The following VAV1 variants were observed in gnomAD, a reference collection of about 807,000 sequenced individuals.
The protein encoded by VAV1 is vav guanine nucleotide exchange factor 1.
A neutral mutation model predicts 128.1 loss-of-function variants in VAV1; 33 were observed. That is an observed-to-expected ratio of 0.26 (90% CI 0.20 to 0.34). The LOEUF (loss-of-function observed/expected upper bound fraction) is 0.34. Ranked by LOEUF, VAV1 falls within the 10% of genes least tolerant of loss-of-function variation. The pLI, the probability that VAV1 is intolerant of heterozygous loss-of-function variation, is 1.00. For synonymous variants in VAV1, 394 were observed against 409.8 expected, an observed-to-expected ratio of 0.96 and a Z score of 0.47; for missense variants, 715 against 1,093.7, an observed-to-expected ratio of 0.65 and a Z score of 4.88.
intron 22 of VAV1, 103 bp downstream of exon 22, chr19:6,843,269 G>A: frequency 7.5e-7 from 1 of 1,339,210 alleles, no homozygotes; most frequent in Non-Finnish European, 1.1e-6. Flanking sequence ...TGCATTCTGT[G>A]ATCCCTGAGC....
At chr19:6,789,931 C>T (rs113426852) in intron 1 of VAV1, among the ~76,000 whole-genome samples, 8 of 152,184 alleles carry the variant, frequency 5.3e-5, no homozygotes, top group South Asian at 2.1e-4. Context: ...AGAGGCCAGA[C>T]GTGGTGGCTC....
chr19:6,848,325 A>G (rs1258715676), intron 23 of VAV1, among the ~76,000 whole-genome samples: 3 of 152,092 alleles, frequency 2.0e-5, no homozygotes, highest in African/African-American at 7.2e-5. Flanking sequence ...GAGGCTCAAA[A>G]AGGCTCTTAA....
intron 14 of VAV1, 23 bp from the exon 15 acceptor site, chr19:6,832,068 G>T: frequency 1.2e-6 from 2 of 1,612,298 alleles, no homozygotes; most frequent in Non-Finnish European, 1.7e-6. Context: ...AGTGCCTTCA[G>T]TCTGAGCTCT....
chr19:6,801,092 G>A (rs1386512571), intron 1 of VAV1, among the ~76,000 whole-genome samples: 3 of 152,166 alleles, frequency 2.0e-5, no homozygotes, highest in Non-Finnish European at 2.9e-5. Context: ...ACTGCTTAGT[G>A]TTTGTCTCCT....
rs568571655 is a variant in VAV1 at position 6,820,140 on chromosome 19, G to A, written c.205-562G>A. Among the ~76,000 whole-genome samples the A allele has an allele frequency of 7.2e-5, 11 of 152,320 alleles. No individual in the cohort carries two copies. In the South Asian group the frequency reaches 1.9e-3, roughly 26 times the overall value. On this transcript the variant is annotated intron_variant, in intron 1 of 26. Transcript: ENST00000602142. This position sits in a 1 kb window ranked among gnomAD's most constrained non-coding sequence, Gnocchi z 4.4. ...TCAAGACCAGCCTGGGCAACATAGC[G>A]AGACCTCGTCTCTACAAAAAATACA...
Position 6,826,770 on chromosome 19 carries a change from G to A in VAV1, c.927+59G>A. 7.4e-7 allele frequency: 1 copy of A among 1,348,108 alleles called. No homozygotes were observed. The highest frequency in any genetic ancestry group is 1.4e-5 in the African/African-American group (1 of 69,392). 83.5% of individuals were successfully genotyped at this position (1,348,108 alleles called of 1,614,324 possible). ...CGCTCCTCCCCAGGCCCTGGGGGCA[G>A]CAGGGAGGACACTGAGTTGCAGATG... is the stretch of plus-strand genomic sequence containing the variant. On this transcript the variant is annotated intron_variant, in intron 9 of 26. Transcript: ENST00000602142. The surrounding 1 kb of genome is among the most constrained non-coding windows in gnomAD (Gnocchi z 4.1).
chr19:6,844,887 G>A (rs745434288), intron 22 of VAV1, among the ~76,000 whole-genome samples: 1 of 151,996 alleles, frequency 6.6e-6, no homozygotes, highest in Non-Finnish European at 1.5e-5. Context: ...AAAATTTCGA[G>A]ATGAACAAAT....
At position 6,857,184 on chromosome 19, in the gene VAV1, G is replaced by A; in HGVS notation, c.*77G>A. 5 of 1,599,616 alleles carry A rather than the reference G, an allele frequency of 3.1e-6. No individual in the cohort carries two copies. The highest frequency in any genetic ancestry group is 2.2e-5 in the South Asian group (2 of 90,086). On this transcript the variant is annotated 3_prime_UTR_variant, in exon 27 of 27. Transcript: ENST00000602142. ...TGGGCAGGCAGCGGAGCCAGGGGCT[G>A]TGACAGCTCCCGGCGGGTGGAGACT...
chr19:6,856,911 C>T (rs140313495), intron 26 of VAV1, 143 bp from the exon 27 acceptor site: 15 of 678,432 alleles, frequency 2.2e-5, no homozygotes, highest in East Asian at 5.3e-5. Flanking sequence ...GCCTTGTGTA[C>T]GTTGGGTGAT....
chr19:6,777,958 G>C lies in VAV1; in HGVS notation c.204+4947G>C, dbSNP rs931497923. ...TGGGATTACAGGCGCCTGCCACCAC[G>C]CCTGGCTAATTTCTGTTGCCCAGGC... On this transcript the variant is annotated intron_variant, in intron 1 of 26. Coordinates refer to ENST00000602142, the MANE Select transcript of VAV1 (RefSeq NM_005428.4). The surrounding 1 kb of genome is among the most constrained non-coding windows in gnomAD (Gnocchi z 4.4). 6.6e-6 allele frequency among the ~76,000 whole-genome samples: 1 copy of C among 151,940 alleles called. No individual in the cohort carries two copies. Among genetic ancestry groups the C allele is most frequent in the Non-Finnish European group, 1.5e-5 (1 of 67,954 alleles).
At chr19:6,788,949 T>C (rs1261649938) in intron 1 of VAV1, among the ~76,000 whole-genome samples, 1 of 152,236 alleles carries the variant, frequency 6.6e-6, no homozygotes, top group East Asian at 1.9e-4. Context: ...CCTGTTGACA[T>C]GTGGGGCCGG....
chr19:6,815,059 T>A (rs914948096), intron 1 of VAV1, among the ~76,000 whole-genome samples: 3 of 152,028 alleles, frequency 2.0e-5, no homozygotes, highest in Admixed American at 2.0e-4. Flanking sequence ...AGGTCTTGGG[T>A]CAGAGCCTTG....
In VAV1 at chr19:6,825,138, C is replaced by A. The variant is rs778088852; in HGVS notation, c.723+17C>A. On this transcript the variant is annotated intron_variant, in intron 7 of 26. Transcript: ENST00000602142. ...AACATTGAGGTGAGCCGGCCGATCCCCAGCCCTCTTGGGTCTGTCTAGTGC... is the reference window on the plus strand; with the variant it reads ...AACATTGAGGTGAGCCGGCCGATCCACAGCCCTCTTGGGTCTGTCTAGTGC... 9 of 1,609,284 alleles carry A rather than the reference C, an allele frequency of 5.6e-6. No individual in the cohort carries two copies. The East Asian group carries it at 2.0e-4, about 36-fold the overall frequency.
intron 1 of VAV1, among the ~76,000 whole-genome samples, chr19:6,800,801 T>TGC (rs1971250001): frequency 6.6e-6 from 1 of 150,516 alleles, no homozygotes; most frequent in Non-Finnish European, 1.5e-5. Context: ...TTTGTGTGTG[T>TGC]GTGTGTGTGC....
At chr19:6,798,516 A>G (rs1971191145) in intron 1 of VAV1, among the ~76,000 whole-genome samples, 1 of 152,042 alleles carries the variant, frequency 6.6e-6, no homozygotes, top group African/African-American at 2.4e-5. Flanking sequence ...AGCTGGTCAT[A>G]GTGGCATGTG....
Position 6,853,085 on chromosome 19 carries a change from A to T in VAV1, c.2332+6A>T. On this transcript the variant is annotated splice_donor_region_variant and intron_variant, in intron 25 of 26. Coordinates refer to ENST00000602142, the MANE Select transcript of VAV1 (RefSeq NM_005428.4). ...AACCATCAGCAGGCCAGCAGGTAGG[A>T]GGTCTCAGACTGGGGGCTTACAGCC... 1 of 1,610,266 alleles carries T rather than the reference A, an allele frequency of 6.2e-7. No individual in the cohort carries two copies. The highest frequency in any genetic ancestry group is 8.5e-7 in the Non-Finnish European group (1 of 1,177,552).
chr19:6,804,838 T>G (rs559800629), intron 1 of VAV1, among the ~76,000 whole-genome samples: 2 of 150,732 alleles, frequency 1.3e-5, no homozygotes. Context: ...ATTCTCCTGC[T>G]TCAGCCTCCC....
chr19:6,838,097 G>A (rs199634646), intron 21 of VAV1, among the ~76,000 whole-genome samples: 3,150 of 146,608 alleles, frequency 0.021, 42 homozygotes, highest in Middle Eastern at 0.051. Flanking sequence ...CTGTCTGTCT[G>A]TCTATCTATC....
intron 22 of VAV1, among the ~76,000 whole-genome samples, chr19:6,846,647 G>A (rs1469196068): frequency 6.7e-6 from 1 of 148,150 alleles, no homozygotes; most frequent in Admixed American, 6.8e-5. Context: ...ATAATATATT[G>A]TATGTTATAC....
Sources: allele counts gnomAD v4.1 joint callset (sites outside exome capture counted in the v4.1 genomes callset), GRCh38; gene constraint gnomAD v4.1.1; non-coding constraint Gnocchi (gnomAD v3.1); transcripts MANE v1.5; gene names NCBI Gene and HGNC (gene_info 2026-07-23, HGNC 2026-07-21).